Variants in GORAB observed in about 807,000 individuals in gnomAD.
GORAB encodes golgin, RAB6 interacting, also known as RAB6-interacting golgin.
Under a neutral mutation model 29.9 loss-of-function variants are expected in GORAB, and 17 were observed. The ratio of observed to expected loss-of-function variants is 0.57; its 90% CI spans 0.39 to 0.85. The LOEUF is 0.85. Among genes scored for constraint, GORAB ranks in the 40% least tolerant of loss-of-function variants. The pLI is 0.00. For synonymous variants in GORAB, 183 were observed against 157.2 expected, an observed-to-expected ratio of 1.16 and a Z score of -1.23; for missense variants, 442 against 437.8, an observed-to-expected ratio of 1.01 and a Z score of -0.09.
At chr1:170,545,523 G>T in intron 4 of GORAB, 2 of 984,382 alleles carry the variant, frequency 2.0e-6, no homozygotes, top group Non-Finnish European at 2.4e-6. Flanking sequence ...CATGGACTTT[G>T]CAGACAGATA....
At chr1:170,550,515 G>T (rs1650041602) in intron 4 of GORAB, among the ~76,000 whole-genome samples, 1 of 152,212 alleles carries the variant, frequency 6.6e-6, no homozygotes, top group Admixed American at 6.5e-5. Flanking sequence ...TTTTACCTGA[G>T]CTAGTTTGAC....
At chr1:170,547,406 GCTGCTGCTACTGCTGCTACTGCTGCTA>G (rs56089801) in intron 4 of GORAB, among the ~76,000 whole-genome samples, 5 of 149,596 alleles carry the variant, frequency 3.3e-5, no homozygotes, top group Non-Finnish European at 5.9e-5. Flanking sequence ...TGCTGCTGCT[GCTGCTGCTACTGCTGCTACTGCTGCTA>G]CTGCTGCTAC....
intron 4 of GORAB, among the ~76,000 whole-genome samples, chr1:170,547,138 G>A (rs571956291): frequency 5.5e-4 from 83 of 152,122 alleles, no homozygotes; most frequent in African/African-American, 1.8e-3. Context: ...ATTACAGATC[G>A]GTAAAATAAT....
chr1:170,542,997 T>C (rs1221582188), intron 3 of GORAB, among the ~76,000 whole-genome samples: 1 of 152,222 alleles, frequency 6.6e-6, no homozygotes, highest in African/African-American at 2.4e-5. Flanking sequence ...ATAAGTGACA[T>C]ACTCCCATGA....
Position 170,539,272 on chromosome 1 carries a change from A to G in GORAB, c.124A>G (p.Lys42Glu). Residue 42 changes from lysine to glutamate, a missense_variant, in exon 2 of 5, where the codon AAA (lysine) becomes GAA (glutamate). Physicochemically the swap from Lys to Glu is moderately conservative, Grantham distance 56. Coordinates refer to ENST00000367763, the MANE Select transcript of GORAB (RefSeq NM_152281.3). ...KKSRQQLQRE[K>E]ALVEQSQKLG... The stretch of plus-strand genomic sequence containing the variant: ...AAGTCGACAACAACTTCAGCGAGAA[A>G]AAGCCCTTGTAGAGCAAAGCCAAAA... 1 of 1,614,196 alleles carries G rather than the reference A, an allele frequency of 6.2e-7. No individual in the cohort carries two copies. The highest frequency in any genetic ancestry group is 1.1e-5 in the South Asian group (1 of 91,084).
At chr1:170,551,473 A>T (rs147847415) in intron 4 of GORAB, among the ~76,000 whole-genome samples, 5 of 152,036 alleles carry the variant, frequency 3.3e-5, no homozygotes, top group Non-Finnish European at 5.9e-5. Context: ...CTTTTTTTCT[A>T]ATTTATTAAT....
In GORAB at chr1:170,545,741, C is replaced by T. The variant is rs192246949; in HGVS notation, c.662+896C>T. The T allele has an allele frequency of 1.8e-5, 18 of 984,938 alleles. No individual in the cohort carries two copies. The Admixed American group carries it at 2.5e-4, about 13-fold the overall frequency. 61.0% of individuals were successfully genotyped at this position (984,938 alleles called of 1,614,324 possible). On this transcript the variant is annotated intron_variant, in intron 4 of 4. Transcript: ENST00000367763. ...ATGTTTATATAACAATTTATTAAAGCGGAAATGCTTGATTGTGGTTTTTAA... is the reference window on the plus strand; with the variant it reads ...ATGTTTATATAACAATTTATTAAAGTGGAAATGCTTGATTGTGGTTTTTAA...
chr1:170,553,515 CT>C lies in GORAB; in HGVS notation c.*1064del, dbSNP rs761513073. ...AAAGTAAAAATATTACCTTTGAGGA[CT>C]TTTTTTTTTTAAAAAAAGAATTATT... On this transcript the variant is annotated 3_prime_UTR_variant, in exon 5 of 5. Transcript: ENST00000367763. 8.8e-3 allele frequency: 3,015 copies of C among 343,300 alleles called. No individual in the cohort carries two copies. Among genetic ancestry groups the C allele is most frequent in the Middle Eastern group, 0.016 (15 of 966 alleles). 21.3% of individuals were successfully genotyped at this position (343,300 alleles called of 1,614,324 possible). A position where few individuals can be genotyped will look rare whatever the true frequency, so the allele number is the denominator to read the frequency against.
chr1:170,538,152 G>T (rs1649171519), intron 1 of GORAB, among the ~76,000 whole-genome samples: 1 of 152,194 alleles, frequency 6.6e-6, no homozygotes, highest in Non-Finnish European at 1.5e-5. Context: ...TTTTCAACCA[G>T]CTTGATAGAT....
At chr1:170,535,641 A>C (rs138114174) in intron 1 of GORAB, among the ~76,000 whole-genome samples, 69 of 152,322 alleles carry the variant, frequency 4.5e-4, no homozygotes, top group African/African-American at 1.6e-3. Flanking sequence ...CCTGGGCTCA[A>C]GCGATCCTCC....
chr1:170,536,638 T>C (rs905263132), intron 1 of GORAB, among the ~76,000 whole-genome samples: 2 of 152,334 alleles, frequency 1.3e-5, no homozygotes, highest in Non-Finnish European at 1.5e-5. Flanking sequence ...AGACACATTA[T>C]TGAAATTTAC....
intron 3 of GORAB, among the ~76,000 whole-genome samples, chr1:170,543,326 G>A (rs1396815138): frequency 2.0e-5 from 3 of 152,182 alleles, no homozygotes; most frequent in East Asian, 1.9e-4. Context: ...ATCCATGGTT[G>A]TGAATAGTGA....
At chr1:170,547,690 A>T (rs189829586) in intron 4 of GORAB, among the ~76,000 whole-genome samples, 142 of 152,292 alleles carry the variant, frequency 9.3e-4, no homozygotes, top group Non-Finnish European at 1.7e-3. Flanking sequence ...ACAACTTTAA[A>T]ATTTTAATAA....
chr1:170,545,505 A>G (rs1649702930), intron 4 of GORAB: 1 of 984,604 alleles, frequency 1.0e-6, no homozygotes, highest in South Asian at 4.7e-5. Context: ...AACACATGTA[A>G]TGAATTACAT....
intron 4 of GORAB, among the ~76,000 whole-genome samples, chr1:170,549,515 A>G (rs982093833): frequency 4.6e-5 from 7 of 152,190 alleles, no homozygotes; most frequent in Admixed American, 3.9e-4. Flanking sequence ...ATCTCTACTG[A>G]TTGACTTTGA....
At position 170,552,684 on chromosome 1, in the gene GORAB, G is replaced by T. The variant is rs886045553; in HGVS notation, c.*222G>T. 1 of 591,580 alleles carries T rather than the reference G, an allele frequency of 1.7e-6. No homozygotes were observed. Among genetic ancestry groups the T allele is most frequent in the Non-Finnish European group, 3.2e-6 (1 of 316,410 alleles). The allele number at this position is 591,580 out of a possible 1,614,324, so 36.6% of individuals were successfully genotyped here. ...CCTTGATTTTGGCCCGGTTCTTTCA[G>T]TGTTCCGTTTACCCTTTTTACTGAA... On this transcript the variant is annotated 3_prime_UTR_variant, in exon 5 of 5. Coordinates refer to ENST00000367763, the MANE Select transcript of GORAB (RefSeq NM_152281.3).
rs1378104949 is a variant in GORAB, at chr1:170,553,114, A to G, written c.*652A>G. The stretch of plus-strand genomic sequence containing the variant: ...TTATTTGAAACACACACACTTATAT[A>G]TAAACACATGTAATTTTACTATTTT... On this transcript the variant is annotated 3_prime_UTR_variant, in exon 5 of 5. Coordinates refer to ENST00000367763, the MANE Select transcript of GORAB (RefSeq NM_152281.3). 2 of 445,232 alleles carry G rather than the reference A, an allele frequency of 4.5e-6. No individual in the cohort carries two copies. The highest frequency in any genetic ancestry group is 4.0e-5 in the African/African-American group (2 of 49,438). 27.6% of individuals were successfully genotyped at this position (445,232 alleles called of 1,614,324 possible). A position where few individuals can be genotyped will look rare whatever the true frequency, so the allele number is the denominator to read the frequency against.
rs1319721703 is a variant in GORAB, at chr1:170,553,235, TTG to T, written c.*776_*777del. On this transcript the variant is annotated 3_prime_UTR_variant, in exon 5 of 5. Transcript: ENST00000367763. Reference sequence around the variant, plus strand: ...ATAATATAGAAAATCTCATTGCTACTTGTGATTATCAAAAAAAGTATGTATTT... The same window carrying T: ...ATAATATAGAAAATCTCATTGCTACTTGATTATCAAAAAAAGTATGTATTT... The T allele has an allele frequency of 6.8e-6, 3 of 442,722 alleles. No individual in the cohort carries two copies. The highest frequency in any genetic ancestry group is 1.3e-5 in the Non-Finnish European group (3 of 223,598). 27.4% of individuals were successfully genotyped at this position (442,722 alleles called of 1,614,324 possible).
At position 170,542,463 on chromosome 1, in the gene GORAB, T is replaced by C. The variant is rs7538037; in HGVS notation, c.420-28T>C. The C allele has an allele frequency of 0.35, 494,396 of 1,423,632 alleles. 93,233 individuals carry two copies. Among genetic ancestry groups the C allele is most frequent in the East Asian group, 0.66 (28,889 of 43,896 alleles). The allele number at this position is 1,423,632 out of a possible 1,614,324, so 88.2% of individuals were successfully genotyped here. On this transcript the variant is annotated intron_variant, in intron 2 of 4. Transcript: ENST00000367763. The stretch of plus-strand genomic sequence containing the variant: ...AGCAGTTTCTTTTTCTTTCATAAAC[T>C]CATTTTTATGCTTTTTTTGCCCCCT...
Sources: gnomAD v4.1 joint callset for allele counts (sites outside exome capture counted in the v4.1 genomes callset) on GRCh38, gnomAD v4.1.1 for gene constraint, MANE v1.5 for transcripts, NCBI Gene and HGNC (gene_info 2026-07-23, HGNC 2026-07-21) for gene names.